The following ANTXR1 variants were observed in gnomAD, a reference collection of about 807,000 sequenced individuals.
ANTXR1 encodes the protein ANTXR cell adhesion molecule 1.
In ANTXR1, 19 loss-of-function variants were observed where a neutral mutation model predicts 78.1. The ratio of observed to expected loss-of-function variants is 0.24; its 90% CI spans 0.17 to 0.36. ANTXR1 has a LOEUF of 0.36. Among genes scored for constraint, ANTXR1 ranks in the 10% least tolerant of loss-of-function variants. ANTXR1 has a pLI of 1.00. For synonymous variants in ANTXR1, 273 were observed against 260.5 expected, an observed-to-expected ratio of 1.05 and a Z score of -0.46; for missense variants, 518 against 718.6, an observed-to-expected ratio of 0.72 and a Z score of 3.19.
At chr2:69,217,265 A>G (rs1675201022) in intron 17 of ANTXR1, among the ~76,000 whole-genome samples, 1 of 152,156 alleles carries the variant, frequency 6.6e-6, no homozygotes, top group South Asian at 2.1e-4. Context: ...AGGGCCTCCC[A>G]TCCCTGCTGC....
intron 8 of ANTXR1, among the ~76,000 whole-genome samples, chr2:69,087,168 A>T (rs887802056): frequency 2.0e-5 from 3 of 152,138 alleles, no homozygotes; most frequent in Non-Finnish European, 4.4e-5. Context: ...TTGAATATAA[A>T]CCCATTCAGA....
chr2:69,188,710 G>T (rs1325946309), intron 16 of ANTXR1, among the ~76,000 whole-genome samples: 1 of 152,236 alleles, frequency 6.6e-6, no homozygotes, highest in Non-Finnish European at 1.5e-5. Context: ...ATTTTGCCAG[G>T]GAGTGAGGAC....
At chr2:69,178,338 T>C (rs1289982117) in intron 14 of ANTXR1, among the ~76,000 whole-genome samples, 2 of 152,260 alleles carry the variant, frequency 1.3e-5, no homozygotes, top group African/African-American at 4.8e-5. Context: ...TGGGCCTTTG[T>C]GCTGCCTGGT....
rs147061524 is a variant in ANTXR1, at chr2:69,148,688, CAAT to C, written c.952-3480_952-3478del. 9.2e-3 allele frequency among the ~76,000 whole-genome samples: 1,394 copies of C among 152,338 alleles called. 12 individuals carry two copies. Among genetic ancestry groups the C allele is most frequent in the Non-Finnish European group, 0.016 (1,058 of 68,036 alleles). ...CAGTGAATGTCCGCTGTGCTAACAA[CAAT>C]GTTATTACCATCATTGTCATTATTC... On this transcript the variant is annotated intron_variant, in intron 12 of 17. Coordinates refer to ENST00000303714, the MANE Select transcript of ANTXR1 (RefSeq NM_032208.3).
chr2:69,224,193 G>A (rs1047910073), intron 17 of ANTXR1, among the ~76,000 whole-genome samples: 1 of 152,226 alleles, frequency 6.6e-6, no homozygotes, highest in African/African-American at 2.4e-5. Flanking sequence ...AAGGCTTACA[G>A]ACTGGGAATT....
At chr2:69,235,020 T>TA (rs1282984230) in intron 17 of ANTXR1, among the ~76,000 whole-genome samples, 1 of 123,014 alleles carries the variant, frequency 8.1e-6, no homozygotes, top group Non-Finnish European at 1.6e-5. Flanking sequence ...ATGAAAGCTT[T>TA]TTTTTTTTTT....
chr2:69,062,814 G>A (rs536357525), intron 3 of ANTXR1, among the ~76,000 whole-genome samples: 6 of 151,884 alleles, frequency 4.0e-5, no homozygotes, highest in Non-Finnish European at 5.9e-5. Flanking sequence ...ATTATAAATA[G>A]GTTAAATAAT....
chr2:69,225,113 C>G (rs189528546), intron 17 of ANTXR1, among the ~76,000 whole-genome samples: 1 of 152,314 alleles, frequency 6.6e-6, no homozygotes, highest in African/African-American at 2.4e-5. Flanking sequence ...CAAAATTTGA[C>G]ATTCCTATGT....
At position 69,181,952 on chromosome 2, in the gene ANTXR1, C is replaced by A. The variant is rs1190972679; in HGVS notation, c.1185+71C>A. On this transcript the variant is annotated intron_variant, in intron 15 of 17. Transcript: ENST00000303714. ...CCATCGAGGTACCAGCCGGGCCTGACCCTGCTTAGCCTCTAGATATCAGGC... is the reference window on the plus strand; with the variant it reads ...CCATCGAGGTACCAGCCGGGCCTGAACCTGCTTAGCCTCTAGATATCAGGC... 3.5e-6 allele frequency: 5 copies of A among 1,444,910 alleles called. No individual in the cohort carries two copies. The East Asian group carries it at 6.9e-5, about 20-fold the overall frequency. 89.5% of individuals were successfully genotyped at this position (1,444,910 alleles called of 1,614,324 possible).
At chr2:69,076,669 G>A (rs1377193238) in intron 7 of ANTXR1, among the ~76,000 whole-genome samples, 1 of 152,208 alleles carries the variant, frequency 6.6e-6, no homozygotes, top group Admixed American at 6.5e-5. Context: ...TGAACAGAGA[G>A]GATTATGAGT....
chr2:69,193,467 A>ACT, intron 17 of ANTXR1, 52 bp downstream of exon 17: 1 of 1,097,216 alleles, frequency 9.1e-7, no homozygotes, highest in Non-Finnish European at 1.4e-6. Context: ...TCTCACATAC[A>ACT]CACACACACA....
chr2:69,072,143 C>G (rs1305147087), intron 5 of ANTXR1, among the ~76,000 whole-genome samples: 3 of 152,198 alleles, frequency 2.0e-5, no homozygotes, highest in Non-Finnish European at 4.4e-5. Context: ...TTGTTCTTCT[C>G]TGAGCTCCAA....
chr2:69,244,613 T>G (rs1463867205), intron 17 of ANTXR1, among the ~76,000 whole-genome samples: 2 of 152,164 alleles, frequency 1.3e-5, no homozygotes, highest in African/African-American at 2.4e-5. Context: ...CCATGACAAC[T>G]CCAATCACAG....
At chr2:69,076,921 A>G (rs938035218) in intron 7 of ANTXR1, among the ~76,000 whole-genome samples, 3 of 152,136 alleles carry the variant, frequency 2.0e-5, no homozygotes, top group African/African-American at 7.2e-5. Context: ...AGCCAAACCA[A>G]CTGCAAGGGC....
At chr2:69,070,604 A>C in intron 3 of ANTXR1, 43 bp from the exon 4 acceptor site, 1 of 1,593,790 alleles carries the variant, frequency 6.3e-7, no homozygotes, top group Non-Finnish European at 8.6e-7. Context: ...CAGCAAAGTA[A>C]AAAATACTCA....
chr2:69,204,940 CTG>C (rs1444541204), intron 17 of ANTXR1, among the ~76,000 whole-genome samples: 2 of 152,194 alleles, frequency 1.3e-5, no homozygotes, highest in African/African-American at 4.8e-5. Flanking sequence ...ACCACCAACA[CTG>C]TGTCTAGGAC....
intron 16 of ANTXR1, among the ~76,000 whole-genome samples, chr2:69,191,075 A>T (rs780627344): frequency 3.9e-5 from 6 of 152,246 alleles, no homozygotes; most frequent in Non-Finnish European, 7.3e-5. Context: ...GCTTATCCAA[A>T]AGAACCTTAA....
chr2:69,218,188 A>G (rs926452563), intron 17 of ANTXR1, among the ~76,000 whole-genome samples: 13 of 152,172 alleles, frequency 8.5e-5, no homozygotes, highest in Non-Finnish European at 1.8e-4. Flanking sequence ...ACTGCAGAAA[A>G]GTCACCCCAT....
intron 10 of ANTXR1, among the ~76,000 whole-genome samples, chr2:69,112,789 T>C (rs1348811713): frequency 1.3e-5 from 2 of 152,242 alleles, no homozygotes; most frequent in African/African-American, 4.8e-5. Context: ...GACAGAACTC[T>C]GGTCTTTGCC....
Sources: allele counts gnomAD v4.1 joint callset (sites outside exome capture counted in the v4.1 genomes callset), GRCh38; gene constraint gnomAD v4.1.1; transcripts MANE v1.5; gene names NCBI Gene and HGNC (gene_info 2026-07-23, HGNC 2026-07-21).